Variants in GLIS3 observed in about 807,000 individuals in gnomAD.
GLIS3 encodes zinc finger protein GLIS3.
In GLIS3, 53 loss-of-function variants were observed where a neutral mutation model predicts 78.6. The ratio of observed to expected loss-of-function variants is 0.67; its 90% confidence interval spans 0.54 to 0.85. The LOEUF is 0.85. Ranked by LOEUF, GLIS3 falls within the 40% of genes least tolerant of loss-of-function variation. The probability of loss-of-function intolerance (pLI) is 0.00; values close to 1 mark genes in which losing one functional copy is unlikely to be tolerated. For synonymous variants in GLIS3, 684 were observed against 509.9 expected (o/e 1.34, Z -4.60); for missense variants, 1,703 against 1,231.1 (o/e 1.38, Z -5.74).
chr9:4,002,434 C>A (rs1821184671), intron 4 of GLIS3, among the ~76,000 whole-genome samples: 1 of 152,172 alleles, frequency 6.6e-6, no homozygotes, highest in Non-Finnish European at 1.5e-5. Context: ...AAAACTAATT[C>A]ACCTACTGAG....
At position 4,118,375 on chromosome 9, in the gene GLIS3, C is replaced by T; in HGVS notation, c.1103G>A (p.Ser368Asn). ...AGGGGCCACCAGCACGCCCTTCTGG[C>T]TGCCGGGCACCGGGCGCGGCTGGGG... ...CIPQPRPVPG[S>N]QKGVLVAPGG... The change falls in exon 4 of 11, where the codon AGC (serine) becomes AAC (asparagine). Residue 368 changes from serine (S) to asparagine (N), a missense_variant. Coordinates refer to ENST00000381971, the MANE Select transcript of GLIS3 (RefSeq NM_001042413.2). This position sits in a 1 kb window ranked among gnomAD's most constrained non-coding sequence, Gnocchi z 4.7. 2 of 1,595,010 alleles carry T rather than the reference C, an allele frequency of 1.3e-6. No individual in the cohort carries two copies. Among genetic ancestry groups the T allele is most frequent in the East Asian group, 2.3e-5 (1 of 44,078 alleles).
chr9:4,285,134 T>A lies in GLIS3; in HGVS notation c.388+904A>T, dbSNP rs144109333. On this transcript the variant is annotated intron_variant, in intron 2 of 10. Coordinates refer to ENST00000381971, the MANE Select transcript of GLIS3 (RefSeq NM_001042413.2). ...ATTCTATTTGCTGGTGTAAGCATTT[T>A]TAACATAAACATTTAAGACGGAATG... Among the ~76,000 whole-genome samples, 248 of 152,336 alleles carry A rather than the reference T, an allele frequency of 1.6e-3. 1 individual carries two copies. The highest frequency in any genetic ancestry group is 5.7e-3 in the African/African-American group (235 of 41,562).
chr9:4,115,159 A>G (rs937254274), intron 4 of GLIS3, among the ~76,000 whole-genome samples: 3 of 152,224 alleles, frequency 2.0e-5, no homozygotes, highest in Non-Finnish European at 1.5e-5. Context: ...ACCAAACACA[A>G]TGTGGTCATC....
Position 3,856,194 on chromosome 9 carries a change from C to G in GLIS3, c.2298-10G>C. The G allele has an allele frequency of 6.2e-7, 1 of 1,611,846 alleles. No individual in the cohort carries two copies. The highest frequency in any genetic ancestry group is 1.1e-5 in the South Asian group (1 of 90,804). On this transcript the variant is annotated splice_polypyrimidine_tract_variant and intron_variant, in intron 8 of 10. Coordinates refer to ENST00000381971, the MANE Select transcript of GLIS3 (RefSeq NM_001042413.2). ...AGCAGAAGGTGCAAACCTGAGAAAACAATTATAAAAGGAAACATGAGGGAC... is the reference window on the plus strand; with the variant it reads ...AGCAGAAGGTGCAAACCTGAGAAAAGAATTATAAAAGGAAACATGAGGGAC...
chr9:4,114,030 C>CT (rs1831430348), intron 4 of GLIS3, among the ~76,000 whole-genome samples: 1 of 61,592 alleles, frequency 1.6e-5, no homozygotes, highest in Non-Finnish European at 3.3e-5. Flanking sequence ...CCACGTTCCC[C>CT]CAATTCCCTT....
chr9:4,437,429 T>TATCC, the GLIS3 span, among the ~76,000 whole-genome samples: 1 of 68,968 alleles, frequency 1.4e-5, no homozygotes, highest in Non-Finnish European at 4.3e-5. Context: ...TGTATCTATC[T>TATCC]ATCTATCTAT....
intron 2 of GLIS3, among the ~76,000 whole-genome samples, chr9:4,206,149 T>C (rs957257466): frequency 2.0e-5 from 3 of 152,142 alleles, no homozygotes; most frequent in Non-Finnish European, 4.4e-5. Flanking sequence ...GGTCACTAGA[T>C]CTAAGAAAAT....
At chr9:4,284,124 C>T (rs1827786321) in intron 2 of GLIS3, among the ~76,000 whole-genome samples, 1 of 152,218 alleles carries the variant, frequency 6.6e-6, no homozygotes, top group Non-Finnish European at 1.5e-5. Flanking sequence ...TTCCCAAGCT[C>T]CTTACTGGCT....
chr9:4,374,309 T>C, the GLIS3 span, among the ~76,000 whole-genome samples: 3 of 152,236 alleles, frequency 2.0e-5, no homozygotes, highest in Non-Finnish European at 2.9e-5. Context: ...TACTCCCTGC[T>C]TTATCTATCC....
chr9:4,042,421 T>G (rs1044182083), intron 4 of GLIS3, among the ~76,000 whole-genome samples: 8 of 152,166 alleles, frequency 5.3e-5, no homozygotes, highest in African/African-American at 1.9e-4. Context: ...AACCCATGAG[T>G]ACATAAAGCA....
chr9:4,390,186 A>G, the GLIS3 span, among the ~76,000 whole-genome samples: 1 of 152,230 alleles, frequency 6.6e-6, no homozygotes, highest in Non-Finnish European at 1.5e-5. Context: ...TGTGGAGAAT[A>G]AAGTTGGAGG....
chr9:3,990,813 T>A (rs1820173015), intron 4 of GLIS3, among the ~76,000 whole-genome samples: 1 of 152,230 alleles, frequency 6.6e-6, no homozygotes, highest in African/African-American at 2.4e-5. Flanking sequence ...TTCTACAAAT[T>A]AAATTTCATA....
intron 4 of GLIS3, among the ~76,000 whole-genome samples, chr9:4,115,105 A>G (rs976538247): frequency 3.9e-5 from 6 of 152,210 alleles, no homozygotes; most frequent in African/African-American, 1.4e-4. Flanking sequence ...CCCCTATTTT[A>G]CCATAACTTC....
intron 4 of GLIS3, among the ~76,000 whole-genome samples, chr9:3,944,508 T>A (rs1563877228): frequency 6.6e-6 from 1 of 152,242 alleles, no homozygotes; most frequent in Non-Finnish European, 1.5e-5. Context: ...GAATAATTAT[T>A]TCTGTGAGTG....
chr9:4,016,115 T>C (rs1011939465), intron 4 of GLIS3, among the ~76,000 whole-genome samples: 2 of 152,088 alleles, frequency 1.3e-5, no homozygotes, highest in Admixed American at 1.3e-4. Context: ...CAAATGGTAA[T>C]CCAAAATGGG....
intron 2 of GLIS3, among the ~76,000 whole-genome samples, chr9:4,272,088 A>T (rs1301599778): frequency 1.3e-5 from 2 of 152,186 alleles, no homozygotes; most frequent in Admixed American, 6.5e-5. Flanking sequence ...GCAATGGCCG[A>T]CCCAGAGTAA....
At chr9:4,387,875 T>TCA in the GLIS3 span, among the ~76,000 whole-genome samples, 1 of 152,238 alleles carries the variant, frequency 6.6e-6, no homozygotes, top group South Asian at 2.1e-4. Flanking sequence ...ACAGCAGAAT[T>TCA]TGTTATAGAA....
At chr9:4,417,632 A>T in the GLIS3 span, among the ~76,000 whole-genome samples, 6 of 152,320 alleles carry the variant, frequency 3.9e-5, no homozygotes, top group South Asian at 6.2e-4. Flanking sequence ...TGTAGGGCGA[A>T]TATCTTGTAG....
intron 2 of GLIS3, among the ~76,000 whole-genome samples, chr9:4,278,237 T>C (rs944562332): frequency 6.6e-6 from 1 of 152,182 alleles, no homozygotes; most frequent in Non-Finnish European, 1.5e-5. Flanking sequence ...ACTCTGTCCG[T>C]AGAAAAGGCT....
Sources: gnomAD v4.1 joint callset for allele counts (sites outside exome capture counted in the v4.1 genomes callset) on GRCh38, gnomAD v4.1.1 for gene constraint, Gnocchi (gnomAD v3.1) non-coding constraint, MANE v1.5 for transcripts, NCBI Gene and HGNC (gene_info 2026-07-23, HGNC 2026-07-21) for gene names.